RELN: variants seen among roughly 807,000 people sequenced by gnomAD.
The protein encoded by RELN is reelin.
RELN carries 108 observed loss-of-function variants against 427.6 expected under a neutral mutation model. The ratio of observed to expected loss-of-function variants is 0.25; its 90% CI spans 0.22 to 0.30. RELN has a LOEUF of 0.30. Among genes scored for constraint, RELN ranks in the 10% least tolerant of loss-of-function variants. RELN has a pLI of 1.00. For synonymous variants in RELN, 1,524 were observed against 1,513.4 expected (o/e 1.01, Z -0.16); for missense variants, 3,715 against 4,302.8 (o/e 0.86, Z 3.82).
At chr7:103,731,797 T>C (rs1027867073) in intron 6 of RELN, among the ~76,000 whole-genome samples, 6 of 152,176 alleles carry the variant, frequency 3.9e-5, no homozygotes, top group African/African-American at 1.4e-4. Context: ...GCCACTTTTT[T>C]CATTTTCCAC....
chr7:103,891,615 C>A (rs752119942), intron 2 of RELN, among the ~76,000 whole-genome samples: 2 of 152,158 alleles, frequency 1.3e-5, no homozygotes, highest in African/African-American at 2.4e-5. Context: ...ACATGCTGGG[C>A]CTTATCCTCA....
At chr7:103,532,910 T>A (rs1433397591) in intron 46 of RELN, among the ~76,000 whole-genome samples, 1 of 152,206 alleles carries the variant, frequency 6.6e-6, no homozygotes, top group Non-Finnish European at 1.5e-5. Flanking sequence ...TTATTGGTGA[T>A]TTCTGGCCAA....
chr7:103,902,180 G>A (rs1035388070), intron 2 of RELN, among the ~76,000 whole-genome samples: 5 of 151,956 alleles, frequency 3.3e-5, no homozygotes, highest in African/African-American at 1.2e-4. Context: ...TTACTCTAGA[G>A]CTGGTCGTTT....
At chr7:103,766,722 C>T (rs573082372) in intron 4 of RELN, among the ~76,000 whole-genome samples, 10 of 152,280 alleles carry the variant, frequency 6.6e-5, no homozygotes, top group African/African-American at 2.2e-4. Flanking sequence ...TATATGCTGC[C>T]TACCACCACG....
chr7:103,746,639 T>C (rs1278514816), intron 6 of RELN, among the ~76,000 whole-genome samples: 2 of 152,190 alleles, frequency 1.3e-5, no homozygotes, highest in African/African-American at 4.8e-5. Flanking sequence ...AAGACATTTA[T>C]GCAGCCAACA....
At chr7:103,637,755 A>C (rs1453863770) in intron 17 of RELN, among the ~76,000 whole-genome samples, 1 of 152,248 alleles carries the variant, frequency 6.6e-6, no homozygotes, top group Non-Finnish European at 1.5e-5. Flanking sequence ...GTTTCCAAAA[A>C]AGAATTTTTA....
chr7:103,798,291 T>C (rs1648955663), intron 3 of RELN, among the ~76,000 whole-genome samples: 1 of 152,200 alleles, frequency 6.6e-6, no homozygotes, highest in Admixed American at 6.5e-5. Flanking sequence ...CAGTCAAATC[T>C]AGGTTCAAAT....
At chr7:103,920,566 G>GTTTTTTTTTTTT (rs1563092030) in intron 1 of RELN, among the ~76,000 whole-genome samples, 2 of 114,676 alleles carry the variant, frequency 1.7e-5, no homozygotes, top group African/African-American at 9.3e-5. Flanking sequence ...ACCAGTCTTT[G>GTTTTTTTTTTTT]GTTTTTTTTT....
At chr7:103,920,593 T>TTTTTA (rs57282777) in intron 1 of RELN, among the ~76,000 whole-genome samples, 2 of 129,420 alleles carry the variant, frequency 1.5e-5, no homozygotes, top group African/African-American at 6.1e-5. Flanking sequence ...TTTTTTTTTT[T>TTTTTA]GAGAGAGTCT....
At chr7:103,878,197 T>C (rs1554435742) in intron 2 of RELN, among the ~76,000 whole-genome samples, 1 of 151,958 alleles carries the variant, frequency 6.6e-6, no homozygotes, top group Non-Finnish European at 1.5e-5. Context: ...ACCTGATCCC[T>C]CAATTTCACA....
At chr7:103,877,526 GCTCTT>G (rs1794507766) in intron 2 of RELN, among the ~76,000 whole-genome samples, 1 of 152,084 alleles carries the variant, frequency 6.6e-6, no homozygotes, top group Non-Finnish European at 1.5e-5. Context: ...TCTTGGCTCA[GCTCTT>G]CTTTCTTTCC....
chr7:103,776,406 AAAT>A (rs1202609476), intron 4 of RELN, 148 bp downstream of exon 4: 2 of 745,112 alleles, frequency 2.7e-6, no homozygotes, highest in Non-Finnish European at 4.6e-6. Context: ...AGTAATTACT[AAAT>A]AACTATTAGT....
chr7:103,951,212 C>T (rs534011961), intron 1 of RELN, among the ~76,000 whole-genome samples: 2 of 152,284 alleles, frequency 1.3e-5, no homozygotes, highest in South Asian at 4.1e-4. Flanking sequence ...ACCACTTGCA[C>T]CAACTGCTTT....
intron 36 of RELN, among the ~76,000 whole-genome samples, chr7:103,559,118 A>G (rs56296385): frequency 2.3e-3 from 347 of 152,326 alleles, no homozygotes; most frequent in Non-Finnish European, 3.6e-3. Context: ...TATTATTCTC[A>G]TATTGCAGAT....
chr7:103,529,124 GA>G (rs1475599928), intron 46 of RELN, among the ~76,000 whole-genome samples: 1 of 104,352 alleles, frequency 9.6e-6, no homozygotes, highest in Admixed American at 1.1e-4. Flanking sequence ...AACAGAGTGA[GA>G]CTCCATCTCA....
chr7:103,498,614 C>T (rs547555127), intron 53 of RELN, among the ~76,000 whole-genome samples: 1 of 152,112 alleles, frequency 6.6e-6, no homozygotes, highest in African/African-American at 2.4e-5. Flanking sequence ...GCCTCTGCCT[C>T]CTGAGTAGCT....
At chr7:103,612,265 C>T (rs1206721195) in intron 20 of RELN, among the ~76,000 whole-genome samples, 1 of 151,332 alleles carries the variant, frequency 6.6e-6, no homozygotes. Context: ...CTTTCAAATA[C>T]TTATAGATAA....
chr7:103,960,365 T>C (rs183780193), intron 1 of RELN, among the ~76,000 whole-genome samples: 70 of 152,282 alleles, frequency 4.6e-4, no homozygotes, highest in African/African-American at 1.5e-3. Flanking sequence ...CACTCTCTCC[T>C]CTCTTTCAAC....
At chr7:103,599,726 C>CTT (rs770258776) in intron 24 of RELN, among the ~76,000 whole-genome samples, 1 of 152,084 alleles carries the variant, frequency 6.6e-6, no homozygotes, top group East Asian at 1.9e-4. Flanking sequence ...AGATGAAAGG[C>CTT]ATAATGGTAG....
Sources: gnomAD v4.1 joint callset for allele counts (sites outside exome capture counted in the v4.1 genomes callset) on GRCh38, gnomAD v4.1.1 for gene constraint, MANE v1.5 for transcripts, NCBI Gene and HGNC (gene_info 2026-07-23, HGNC 2026-07-21) for gene names.